FAM83F: variants seen among roughly 807,000 people sequenced by gnomAD.
FAM83F encodes protein FAM83F.
FAM83F carries 45 observed loss-of-function variants against 42.9 expected under a neutral mutation model. The ratio of observed to expected loss-of-function variants is 1.05; its 90% CI spans 0.83 to 1.35. The LOEUF (loss-of-function observed/expected upper bound fraction) is 1.35. FAM83F is among the 40% of genes most tolerant of loss of function. The pLI is 0.00. For missense variants in FAM83F, 617 were observed against 695.9 expected (o/e 0.89, Z 1.28); for synonymous variants, 306 against 298.3 (o/e 1.03, Z -0.27).
At position 40,032,580 on chromosome 22, in the gene FAM83F, T is replaced by C. The variant is rs1427764638; in HGVS notation, c.*3015T>C. On this transcript the variant is annotated 3_prime_UTR_variant, in exon 5 of 5. Coordinates refer to ENST00000333407, the MANE Select transcript of FAM83F (RefSeq NM_138435.4). ...TATTTCTTTTTTTTTTTTCTTTTTT[T>C]TTTCTGAGACAGAGTCTCACCCTGT... The C allele has an allele frequency of 6.6e-6, 1 of 151,868 alleles. No individual in the cohort carries two copies. Among genetic ancestry groups the C allele is most frequent in the Non-Finnish European group, 1.5e-5 (1 of 67,970 alleles). The allele number at this position is 151,868 out of a possible 1,614,324, so 9.4% of individuals were successfully genotyped here. A position where few individuals can be genotyped will look rare whatever the true frequency, so the allele number is the denominator to read the frequency against.
At chr22:40,007,037 G>A (rs1052692841) in intron 1 of FAM83F, among the ~76,000 whole-genome samples, 3 of 152,084 alleles carry the variant, frequency 2.0e-5, no homozygotes, top group African/African-American at 7.2e-5. Context: ...GAATTCAGAG[G>A]GCTTAAGTAA....
chr22:39,996,481 G>A (rs973427762), intron 1 of FAM83F, among the ~76,000 whole-genome samples: 1 of 152,158 alleles, frequency 6.6e-6, no homozygotes, highest in African/African-American at 2.4e-5. Context: ...GAATGGGAAC[G>A]TTTTGTACTT....
intron 1 of FAM83F, among the ~76,000 whole-genome samples, chr22:40,018,605 ATT>A (rs5845446): frequency 1.3e-4 from 18 of 135,502 alleles, no homozygotes; most frequent in African/African-American, 3.0e-4. Context: ...CGCCTGGCTA[ATT>A]TTTTTTTTTT....
intron 1 of FAM83F, chr22:39,997,892 C>G (rs1410737314): frequency 6.6e-6 from 1 of 152,256 alleles, no homozygotes; most frequent in Non-Finnish European, 1.5e-5. Flanking sequence ...CCTGCCTGTC[C>G]GCACAGCCTC....
intron 1 of FAM83F, among the ~76,000 whole-genome samples, chr22:40,010,375 A>G (rs544500514): frequency 6.6e-6 from 1 of 152,316 alleles, no homozygotes; most frequent in Non-Finnish European, 1.5e-5. Context: ...GGGCCCTCAG[A>G]GACCAAAGCG....
chr22:39,995,126 C>A lies in FAM83F; in HGVS notation c.84C>A (p.Cys28Ter), dbSNP rs982213513. Residue 28 changes from cysteine (C) to a stop codon, truncating the protein, a stop_gained, in exon 1 of 5, where the codon TGC becomes TGA. Transcript: ENST00000333407. LOFTEE classifies it high-confidence loss of function. This position sits in a 1 kb window ranked among gnomAD's most constrained non-coding sequence, Gnocchi z 4.6. ...AGGCGCAGGCCGCCTTCTACTACTG[C>A]GAGCGGCGGCGGGCCGCGCTGGAGG... ...VTEAQAAFYY[C>*]ERRRAALEAL... The A allele has an allele frequency of 3.6e-6, 5 of 1,373,412 alleles. No homozygotes were observed. Among genetic ancestry groups the A allele is most frequent in the African/African-American group, 3.1e-5 (2 of 65,108 alleles). The allele number at this position is 1,373,412 out of a possible 1,614,324, so 85.1% of individuals were successfully genotyped here. A position where few individuals can be genotyped will look rare whatever the true frequency, so the allele number is the denominator to read the frequency against.
rs1456684441 is a variant in FAM83F, at chr22:39,995,444, G to C, written c.402G>C (p.Arg134=). 4 of 1,560,802 alleles carry C rather than the reference G, an allele frequency of 2.6e-6. No individual in the cohort carries two copies. Among genetic ancestry groups the C allele is most frequent in the Non-Finnish European group, 3.5e-6 (4 of 1,152,536 alleles). The change falls in exon 1 of 5, where the codon CGG becomes CGC. Residue 134 remains arginine (R), a synonymous_variant. Coordinates refer to ENST00000333407, the MANE Select transcript of FAM83F (RefSeq NM_138435.4). This position sits in a 1 kb window ranked among gnomAD's most constrained non-coding sequence, Gnocchi z 4.6. ...TDTGFYRGVS[R]VTLFTHPPKD... is the part of the protein sequence containing the mutation. Reference sequence around the variant, plus strand: ...CTGGTTTCTACCGCGGCGTGAGCCGGGTCACGCTCTTCACCCACCCGCCCA... The same window carrying C: ...CTGGTTTCTACCGCGGCGTGAGCCGCGTCACGCTCTTCACCCACCCGCCCA...
At chr22:39,999,496 T>C (rs1358011119) in intron 1 of FAM83F, among the ~76,000 whole-genome samples, 1 of 152,220 alleles carries the variant, frequency 6.6e-6, no homozygotes, top group African/African-American at 2.4e-5. Context: ...CCAGCTCATC[T>C]TGGTTTATCA....
At chr22:40,006,385 G>C (rs1190102075) in intron 1 of FAM83F, among the ~76,000 whole-genome samples, 1 of 152,228 alleles carries the variant, frequency 6.6e-6, no homozygotes, top group Non-Finnish European at 1.5e-5. Flanking sequence ...GCAGGGCTCT[G>C]TCCCCCACCC....
rs540796667 is a variant in FAM83F at position 40,020,510 on chromosome 22, C to G, written c.779+502C>G. On this transcript the variant is annotated intron_variant, in intron 3 of 4. Transcript: ENST00000333407. ...CCCTAGTAGCCGGGATTACAGGTGC[C>G]TACCACCATGCTCAGCTAATTTTTG... 4.6e-5 allele frequency among the ~76,000 whole-genome samples: 7 copies of G among 151,914 alleles called. No individual in the cohort carries two copies. The South Asian group carries it at 1.3e-3, about 27-fold the overall frequency.
Position 40,039,538 on chromosome 22 carries a change from C to T in FAM83F, c.*9973C>T, listed in dbSNP as rs1241488967. The T allele has an allele frequency of 2.0e-5, 3 of 152,152 alleles. No homozygotes were observed. The highest frequency in any genetic ancestry group is 4.8e-5 in the African/African-American group (2 of 41,432). 9.4% of individuals were successfully genotyped at this position (152,152 alleles called of 1,614,324 possible). On this transcript the variant is annotated 3_prime_UTR_variant, in exon 5 of 5. Coordinates refer to ENST00000333407, the MANE Select transcript of FAM83F (RefSeq NM_138435.4). ...AGTTTGTGTGACTTGCAAAAAGTCA[C>T]GCAGCAAACAAGCTGCAGAATGAAG... is the stretch of plus-strand genomic sequence containing the variant.
chr22:40,023,429 G>A lies in FAM83F; in HGVS notation c.1453+1466G>A, dbSNP rs1405144991. ...CATGGTGAACACCTGGCAAGGGAGC[G>A]AGGGGAAGAGGGGAAGGAGGTGGAA... On this transcript the variant is annotated intron_variant, in intron 4 of 4. Coordinates refer to ENST00000333407, the MANE Select transcript of FAM83F (RefSeq NM_138435.4). This position sits in a 1 kb window ranked among gnomAD's most constrained non-coding sequence, Gnocchi z 4.1. Among the ~76,000 whole-genome samples, 2 of 152,118 alleles carry A rather than the reference G, an allele frequency of 1.3e-5. No individual in the cohort carries two copies. The highest frequency in any genetic ancestry group is 1.3e-4 in the Admixed American group (2 of 15,284).
chr22:40,000,352 G>C (rs2067393139), intron 1 of FAM83F, among the ~76,000 whole-genome samples: 1 of 152,210 alleles, frequency 6.6e-6, no homozygotes, highest in African/African-American at 2.4e-5. Context: ...TGGGCAGCTG[G>C]TGGGAGGAGG....
At position 40,029,580 on chromosome 22, in the gene FAM83F, G is replaced by A. The variant is rs1416473866; in HGVS notation, c.*15G>A. 6.2e-7 allele frequency: 1 copy of A among 1,610,118 alleles called. No homozygotes were observed. The highest frequency in any genetic ancestry group is 1.3e-5 in the African/African-American group (1 of 74,982). ...TGATTTCCTGAGCTGCGGGATGGTG[G>A]TGGGCAGGACGTGTGGATGCCTGCC... On this transcript the variant is annotated 3_prime_UTR_variant, in exon 5 of 5. Transcript: ENST00000333407.
At chr22:40,004,085 A>T (rs2067415537) in intron 1 of FAM83F, among the ~76,000 whole-genome samples, 1 of 151,844 alleles carries the variant, frequency 6.6e-6, no homozygotes, top group Non-Finnish European at 1.5e-5. Flanking sequence ...ACCATGTTTC[A>T]CTGAGACCCA....
At chr22:40,008,729 C>A (rs951012243) in intron 1 of FAM83F, among the ~76,000 whole-genome samples, 2 of 152,168 alleles carry the variant, frequency 1.3e-5, no homozygotes, top group Non-Finnish European at 2.9e-5. Flanking sequence ...ATCTTCAATA[C>A]GCATACCCAC....
chr22:40,017,198 G>T (rs2067496904), intron 1 of FAM83F, among the ~76,000 whole-genome samples: 1 of 151,842 alleles, frequency 6.6e-6, no homozygotes, highest in Non-Finnish European at 1.5e-5. Flanking sequence ...GAGCGTACCT[G>T]GTGGCAGGTG....
Position 40,019,992 on chromosome 22 carries a change from G to A in FAM83F, c.763G>A (p.Ala255Thr). The change falls in exon 3 of 5, where the codon GCC becomes ACC. Residue 255 changes from alanine (A) to threonine (T), a missense_variant. Ala to Thr is a moderately conservative substitution (Grantham distance 58, BLOSUM62 0). Transcript: ENST00000333407. ...RFLMVDGDKV[A>T]TGSYRFTWSS... ...CCTGATGGTGGACGGTGACAAAGTG[G>A]CCACTGGATCTTACAGGTGAGTTGG... is the stretch of plus-strand genomic sequence containing the variant. 6.2e-7 allele frequency: 1 copy of A among 1,613,258 alleles called. No individual in the cohort carries two copies. Among genetic ancestry groups the A allele is most frequent in the Non-Finnish European group, 8.5e-7 (1 of 1,179,548 alleles).
intron 1 of FAM83F, among the ~76,000 whole-genome samples, chr22:40,002,234 C>A (rs2067406437): frequency 6.6e-6 from 1 of 152,194 alleles, no homozygotes. Context: ...CCCAGAGAGC[C>A]CCAGGGCAGC....
Sources: allele counts gnomAD v4.1 joint callset (sites outside exome capture counted in the v4.1 genomes callset), GRCh38; gene constraint gnomAD v4.1.1; non-coding constraint Gnocchi (gnomAD v3.1); transcripts MANE v1.5; gene names NCBI Gene and HGNC (gene_info 2026-07-23, HGNC 2026-07-21).